C12orf54: variants seen among roughly 807,000 people sequenced by gnomAD.
C12orf54 encodes chromosome 12 open reading frame 54, also known as uncharacterized protein C12orf54.
A neutral mutation model predicts 26.4 loss-of-function variants in C12orf54; 24 were observed. The observed-to-expected ratio is 0.91, with a 90% CI of 0.66 to 1.28. C12orf54 has a LOEUF of 1.28. Among genes scored for constraint, C12orf54 ranks in the 50% most tolerant of loss-of-function variants. The pLI is 0.00. For synonymous variants in C12orf54, 54 were observed against 47.0 expected (o/e 1.15, Z -0.61); for missense variants, 154 against 150.9 (o/e 1.02, Z -0.11).
the C12orf54 span, among the ~76,000 whole-genome samples, chr12:48,467,194 T>G: frequency 4.5e-4 from 68 of 151,862 alleles, no homozygotes; most frequent in Non-Finnish European, 8.7e-4. Flanking sequence ...AAGACAGAGG[T>G]AGAGACTGAA....
the C12orf54 span, among the ~76,000 whole-genome samples, chr12:48,429,589 C>T: frequency 1.3e-5 from 2 of 150,818 alleles, no homozygotes; most frequent in East Asian, 3.9e-4. Flanking sequence ...AAAAAAAATA[C>T]TTAGAATATA....
the C12orf54 span, among the ~76,000 whole-genome samples, chr12:48,462,435 A>C: frequency 2.0e-5 from 3 of 151,726 alleles, no homozygotes; most frequent in Non-Finnish European, 4.4e-5. Flanking sequence ...CTATGACATC[A>C]TAAGAAAAAA....
At chr12:48,457,281 TTGTTGGTGGTGGTGG>T in the C12orf54 span, among the ~76,000 whole-genome samples, 1 of 115,650 alleles carries the variant, frequency 8.6e-6, no homozygotes, top group Non-Finnish European at 1.9e-5. Context: ...TTTGTTGTTG[TTGTTGGTGGTGGTGG>T]TGGTGGTGGT....
At chr12:48,426,553 C>T in the C12orf54 span, among the ~76,000 whole-genome samples, 1,512 of 152,078 alleles carry the variant, frequency 9.9e-3, 13 homozygotes, top group South Asian at 0.056. Context: ...CTTAGGATTG[C>T]CTTGGCTGTT....
upstream of C12orf54, among the ~76,000 whole-genome samples, chr12:48,478,106 T>C (rs1057468611): frequency 6.6e-6 from 1 of 152,098 alleles, no homozygotes; most frequent in African/African-American, 2.4e-5. Flanking sequence ...CACAAATCAA[T>C]AAATGTAATC....
the C12orf54 span, among the ~76,000 whole-genome samples, chr12:48,439,043 T>G: frequency 6.6e-6 from 1 of 151,754 alleles, no homozygotes; most frequent in South Asian, 2.1e-4. Context: ...TACAATGAAC[T>G]CAAACAAATT....
chr12:48,439,351 G>T, the C12orf54 span, among the ~76,000 whole-genome samples: 1 of 152,120 alleles, frequency 6.6e-6, no homozygotes, highest in Non-Finnish European at 1.5e-5. Context: ...GATTCCTCAG[G>T]GATCTAGAAC....
the C12orf54 span, among the ~76,000 whole-genome samples, chr12:48,474,424 G>A: frequency 6.6e-6 from 1 of 152,180 alleles, no homozygotes; most frequent in South Asian, 2.1e-4. Flanking sequence ...CACAGTGCAT[G>A]ACCCGAAGCA....
chr12:48,458,169 C>T, the C12orf54 span, among the ~76,000 whole-genome samples: 1 of 152,178 alleles, frequency 6.6e-6, no homozygotes, highest in Non-Finnish European at 1.5e-5. Context: ...TTGAGGCTTT[C>T]CTAGTGAACT....
intron 3 of C12orf54, 117 bp downstream of exon 3, chr12:48,486,325 G>A (rs1954263786): frequency 1.2e-5 from 13 of 1,088,062 alleles, no homozygotes; most frequent in East Asian, 2.4e-5. Context: ...CAAGGGACAG[G>A]GTGCCCTTGA....
At chr12:48,415,343 G>A in the C12orf54 span, among the ~76,000 whole-genome samples, 22 of 152,294 alleles carry the variant, frequency 1.4e-4, no homozygotes, top group Middle Eastern at 3.4e-3. Flanking sequence ...GCGGTTGATC[G>A]CTCTACTTTT....
chr12:48,430,978 T>C, the C12orf54 span, among the ~76,000 whole-genome samples: 2 of 152,134 alleles, frequency 1.3e-5, no homozygotes, highest in Admixed American at 1.3e-4. Flanking sequence ...TAAAAATGAA[T>C]CAATTAATGG....
At chr12:48,460,860 A>T in the C12orf54 span, among the ~76,000 whole-genome samples, 1 of 152,124 alleles carries the variant, frequency 6.6e-6, no homozygotes, top group Non-Finnish European at 1.5e-5. Flanking sequence ...ATGCAGGAAA[A>T]ACAGGAACAA....
At chr12:48,422,437 G>T in the C12orf54 span, among the ~76,000 whole-genome samples, 1 of 152,294 alleles carries the variant, frequency 6.6e-6, no homozygotes, top group East Asian at 1.9e-4. Flanking sequence ...ATTATGTCGG[G>T]AGGCCATGCT....
the C12orf54 span, among the ~76,000 whole-genome samples, chr12:48,436,091 A>C: frequency 6.6e-6 from 1 of 152,192 alleles, no homozygotes; most frequent in Admixed American, 6.5e-5. Flanking sequence ...AAAACAAAAA[A>C]AGGCAAGGGT....
rs369601605 is a variant in C12orf54, at chr12:48,490,834, G to C, written c.191G>C (p.Arg64Pro). The C allele has an allele frequency of 2.5e-6, 4 of 1,613,326 alleles. No homozygotes were observed. The highest frequency in any genetic ancestry group is 3.4e-6 in the Non-Finnish European group (4 of 1,179,452). ...CAGCTGCAGGAAGATGCTCGGATTC[G>C]AGGTAAAACAGCACCATTCCAAGGT... ...QKELQEDARI[R>P]GMSNCSMTPM... The change falls in exon 6 of 9, where the codon CGA (arginine) becomes CCA (proline). Residue 64 changes from arginine (R) to proline (P), a missense_variant and splice_region_variant. Transcript: ENST00000548364.
the C12orf54 span, among the ~76,000 whole-genome samples, chr12:48,433,056 G>C: frequency 1.3e-5 from 2 of 152,096 alleles, no homozygotes; most frequent in Non-Finnish European, 2.9e-5. Context: ...AAATAACCAA[G>C]TAGTAAATAT....
chr12:48,478,601 A>G (rs945446027), upstream of C12orf54, among the ~76,000 whole-genome samples: 23 of 152,156 alleles, frequency 1.5e-4, no homozygotes, highest in African/African-American at 4.6e-4. Context: ...TTATACACCA[A>G]TAACAGACAA....
At chr12:48,457,297 T>C in the C12orf54 span, among the ~76,000 whole-genome samples, 1 of 151,786 alleles carries the variant, frequency 6.6e-6, no homozygotes, top group African/African-American at 2.4e-5. Flanking sequence ...GTGGTGGTGG[T>C]GGTGGTGGTG....
Sources: allele counts gnomAD v4.1 joint callset (sites outside exome capture counted in the v4.1 genomes callset), GRCh38; gene constraint gnomAD v4.1.1; transcripts MANE v1.5; gene names NCBI Gene and HGNC (gene_info 2026-07-23, HGNC 2026-07-21).